The following KIF5C variants were observed in gnomAD, a reference collection of about 807,000 sequenced individuals.
KIF5C encodes kinesin family member 5C, also known as kinesin heavy chain isoform 5C.
KIF5C carries 18 observed loss-of-function variants against 125.2 expected under a neutral mutation model. That is an observed-to-expected ratio of 0.14 (90% confidence interval 0.10 to 0.21). The LOEUF (loss-of-function observed/expected upper bound fraction) is 0.21. Among genes scored for constraint, KIF5C ranks in the 10% least tolerant of loss-of-function variants. The pLI, the probability that KIF5C is intolerant of heterozygous loss-of-function variation, is 1.00. For synonymous variants in KIF5C, 405 were observed against 434.0 expected (o/e 0.93, Z 0.83); for missense variants, 780 against 1,183.8 (o/e 0.66, Z 5.01).
Position 148,941,945 on chromosome 2 carries a change from C to T in KIF5C, c.456C>T (p.Thr152=), listed in dbSNP as rs375278207. The change falls in exon 6 of 26, where the codon ACC becomes ACT. Residue 152 remains threonine, a synonymous_variant. Transcript: ENST00000435030. ...TTCTCATCTTTTTAGTATCCAAGAC[C>T]AACTTGGCTGTTCATGAAGATAAAA... The part of the protein sequence containing the change: ...KIRDLLDVSK[T]NLAVHEDKNR... The T allele has an allele frequency of 3.1e-6, 5 of 1,612,012 alleles. No homozygotes were observed. Among genetic ancestry groups the T allele is most frequent in the Non-Finnish European group, 4.2e-6 (5 of 1,179,526 alleles).
chr2:149,017,295 T>G (rs1682391612), intron 25 of KIF5C, among the ~76,000 whole-genome samples: 1 of 151,964 alleles, frequency 6.6e-6, no homozygotes. Context: ...TGGGGTGCAT[T>G]GGGAGGCAAG....
At chr2:149,008,912 G>A (rs888431602) in intron 23 of KIF5C, among the ~76,000 whole-genome samples, 36 of 151,874 alleles carry the variant, frequency 2.4e-4, no homozygotes, top group African/African-American at 8.5e-4. Context: ...TACGAAAGCA[G>A]AAACTGTCAG....
rs769584466 is a variant in KIF5C, at chr2:149,008,000, C to T, written c.2483C>T (p.Ala828Val). ...ELDNDDGGGS[A>V]AQKQKISFLE... Reference sequence around the variant, plus strand: ...GACAACGATGATGGAGGGGGCAGTGCTGCCCAGAAGCAGAAAATTTCCTTC... The same window carrying T: ...GACAACGATGATGGAGGGGGCAGTGTTGCCCAGAAGCAGAAAATTTCCTTC... The change falls in exon 23 of 26, where the codon GCT (alanine) becomes GTT (valine). Residue 828 changes from alanine to valine, a missense_variant. Ala to Val is a moderately conservative substitution (Grantham distance 64, BLOSUM62 0). Coordinates refer to ENST00000435030, the MANE Select transcript of KIF5C (RefSeq NM_004522.3). 1.2e-6 allele frequency: 2 copies of T among 1,611,156 alleles called. No homozygotes were observed. Among genetic ancestry groups the T allele is most frequent in the South Asian group, 1.1e-5 (1 of 90,658 alleles).
At chr2:148,965,419 C>T (rs1350494488) in intron 11 of KIF5C, among the ~76,000 whole-genome samples, 1 of 152,166 alleles carries the variant, frequency 6.6e-6, no homozygotes, top group Admixed American at 6.5e-5. Flanking sequence ...CCGCAGAACT[C>T]TCCTTTCCTC....
At chr2:149,020,644 C>A (rs1007955057) in intron 25 of KIF5C, among the ~76,000 whole-genome samples, 3 of 152,148 alleles carry the variant, frequency 2.0e-5, no homozygotes, top group Admixed American at 2.0e-4. Flanking sequence ...TATGTGCTGG[C>A]ACCTCTCTGC....
chr2:148,924,487 TA>T lies in KIF5C; in HGVS notation c.217+2268del, dbSNP rs911828431. Among the ~76,000 whole-genome samples, 28 of 150,534 alleles carry T rather than the reference TA, an allele frequency of 1.9e-4. No individual in the cohort carries two copies. The highest frequency in any genetic ancestry group is 9.7e-4 in the East Asian group (5 of 5,168). On this transcript the variant is annotated intron_variant, in intron 2 of 25. Transcript: ENST00000435030. This position sits in a 1 kb window ranked among gnomAD's most constrained non-coding sequence, Gnocchi z 4.0. Reference sequence around the variant, plus strand: ...TTCATTCCCTACCACTTCACTGGGTTAAAAAAAATATATTTTAAATGTTTGT... The same window carrying T: ...TTCATTCCCTACCACTTCACTGGGTTAAAAAAATATATTTTAAATGTTTGT...
intron 19 of KIF5C, 40 bp from the exon 20 acceptor site, chr2:149,000,383 G>A (rs1190119455): frequency 5.8e-6 from 9 of 1,539,622 alleles, no homozygotes. Context: ...CAGAATTTCA[G>A]ACTGATGTGG....
Position 148,875,576 on chromosome 2 carries a change from C to CCCCCCCCCCCCCCCCCCG in KIF5C, c.-37_-36insCCCCCCCCCCCCGCCCCC. On this transcript the variant is annotated 5_prime_UTR_variant, in exon 1 of 26. Transcript: ENST00000435030. The stretch of plus-strand genomic sequence containing the variant: ...CCTCCCTCGTCGTTCCCGGCCCCGG[C>CCCCCCCCCCCCCCCCCCG]CCCCCACCCATCCCCGTGCCCCCTC... 1 of 549,558 alleles carries CCCCCCCCCCCCCCCCCCG rather than the reference C, an allele frequency of 1.8e-6. No individual in the cohort carries two copies. The highest frequency in any genetic ancestry group is 3.4e-6 in the Non-Finnish European group (1 of 291,390). The allele number at this position is 549,558 out of a possible 1,614,324, so 34.0% of individuals were successfully genotyped here.
chr2:148,993,079 G>A (rs535293547), intron 16 of KIF5C, among the ~76,000 whole-genome samples: 1 of 152,232 alleles, frequency 6.6e-6, no homozygotes, highest in Non-Finnish European at 1.5e-5. Context: ...GGGTGAGGAA[G>A]AGGTAGTGCC....
intron 1 of KIF5C, among the ~76,000 whole-genome samples, chr2:148,907,058 CT>C (rs1681139041): frequency 6.6e-6 from 1 of 152,102 alleles, no homozygotes; most frequent in African/African-American, 2.4e-5. Context: ...AGAATCCTGT[CT>C]CTAAAAACAG....
Position 148,944,333 on chromosome 2 carries a change from C to G in KIF5C, c.589+1573C>G, listed in dbSNP as rs193119246. On this transcript the variant is annotated intron_variant, in intron 7 of 25. Coordinates refer to ENST00000435030, the MANE Select transcript of KIF5C (RefSeq NM_004522.3). The stretch of plus-strand genomic sequence containing the variant: ...ATAAACACCAATTCTTTATTCTCCT[C>G]TTGCTCAACCTACTTTATCTCTATG... 2.6e-4 allele frequency among the ~76,000 whole-genome samples: 40 copies of G among 152,298 alleles called. No homozygotes were observed. In the East Asian group the frequency reaches 6.4e-3, roughly 24 times the overall value.
At chr2:148,877,815 C>G (rs1681236463) in intron 1 of KIF5C, 1 of 146,592 alleles carries the variant, frequency 6.8e-6, no homozygotes, top group Non-Finnish European at 1.5e-5. Flanking sequence ...AGTAATAAAT[C>G]ATCTTCCTTG....
intron 1 of KIF5C, among the ~76,000 whole-genome samples, chr2:148,902,302 G>A (rs1680937046): frequency 6.6e-6 from 1 of 151,964 alleles, no homozygotes; most frequent in Non-Finnish European, 1.5e-5. Context: ...AAGGCAGACA[G>A]CTTCTTCGTG....
chr2:148,929,379 C>G (rs937047586), intron 3 of KIF5C, 25 bp downstream of exon 3: 18 of 1,444,148 alleles, frequency 1.2e-5, no homozygotes, highest in Middle Eastern at 1.7e-4. Flanking sequence ...TGCTCTAATG[C>G]GAATCTCTGA....
intron 12 of KIF5C, among the ~76,000 whole-genome samples, chr2:148,975,766 C>T (rs1681045269): frequency 6.6e-6 from 1 of 152,236 alleles, no homozygotes; most frequent in Admixed American, 6.5e-5. Context: ...CCTGGGCAGA[C>T]CTGTGACAAT....
chr2:148,886,523 A>T (rs1039581794), intron 1 of KIF5C, among the ~76,000 whole-genome samples: 2 of 152,170 alleles, frequency 1.3e-5, no homozygotes, highest in African/African-American at 4.8e-5. Context: ...TGGGTGACCT[A>T]CCTAGGTGGT....
intron 3 of KIF5C, 116 bp from the exon 4 acceptor site, chr2:148,937,168 G>A (rs576768379): frequency 1.1e-4 from 161 of 1,421,256 alleles, no homozygotes; most frequent in East Asian, 9.0e-4. Context: ...GCAGGCACAC[G>A]TGGGTGCTTC....
chr2:148,967,920 C>T (rs1191171302), intron 11 of KIF5C, among the ~76,000 whole-genome samples: 1 of 152,138 alleles, frequency 6.6e-6, no homozygotes, highest in Admixed American at 6.5e-5. Context: ...CTCATGCTAA[C>T]CTCCTCCCAA....
rs1322187894 is a variant in KIF5C at position 149,007,950 on chromosome 2, G to T, written c.2446-13G>T. 1 of 1,581,780 alleles carries T rather than the reference G, an allele frequency of 6.3e-7. No homozygotes were observed. Among genetic ancestry groups the T allele is most frequent in the African/African-American group, 1.3e-5 (1 of 74,768 alleles). ...TGACAGCCTGTCCTGCTGACCCCTT[G>T]GTGTCAATGCAGAGTGTGGAGTTGG... is the stretch of plus-strand genomic sequence containing the variant. On this transcript the variant is annotated splice_polypyrimidine_tract_variant and intron_variant, in intron 22 of 25. Transcript: ENST00000435030.
Sources: allele counts gnomAD v4.1 joint callset (sites outside exome capture counted in the v4.1 genomes callset), GRCh38; gene constraint gnomAD v4.1.1; non-coding constraint Gnocchi (gnomAD v3.1); transcripts MANE v1.5; gene names NCBI Gene and HGNC (gene_info 2026-07-23, HGNC 2026-07-21).